The following ZNF540 variants were observed in gnomAD, a reference collection of about 807,000 sequenced individuals.
The protein encoded by ZNF540 is zinc finger protein 540, also known as CTD-3064H18.6.
Under a neutral mutation model 11.8 loss-of-function variants are expected in ZNF540, and 3 were observed. The ratio of observed to expected loss-of-function variants is 0.25; its 90% CI spans 0.12 to 0.65. ZNF540 has a LOEUF of 0.65. Among genes scored for constraint, ZNF540 ranks in the 30% least tolerant of loss-of-function variants. The pLI is 0.83. For missense variants in ZNF540, 709 were observed against 793.1 expected, an observed-to-expected ratio of 0.89 and a Z score of 1.27; for synonymous variants, 247 against 259.0, an observed-to-expected ratio of 0.95 and a Z score of 0.45.
chr19:37,561,326 T>A (rs772984435), intron 1 of ZNF540, among the ~76,000 whole-genome samples: 1 of 152,156 alleles, frequency 6.6e-6, no homozygotes, highest in African/African-American at 2.4e-5. Context: ...TGTTCCTCTC[T>A]AGTGTAGTCC....
upstream of ZNF540, chr19:37,594,291 G>A (rs1440154387): frequency 1.3e-5 from 2 of 152,262 alleles, no homozygotes; most frequent in East Asian, 1.9e-4. Flanking sequence ...GTCACACGAG[G>A]AGTACTGCGG....
chr19:37,603,100 C>T (rs1408116678), intron 4 of ZNF540, among the ~76,000 whole-genome samples: 7 of 151,418 alleles, frequency 4.6e-5, no homozygotes, highest in South Asian at 2.1e-4. Context: ...CTCCACCTCC[C>T]GGGTTCAAGC....
chr19:37,604,370 C>T (rs1252993706), intron 4 of ZNF540, among the ~76,000 whole-genome samples: 1 of 128,672 alleles, frequency 7.8e-6, no homozygotes, highest in African/African-American at 3.0e-5. Flanking sequence ...TGCAGTGGTG[C>T]GATCTCGGCT....
chr19:37,582,264 A>G (rs2043497294), intron 1 of ZNF540, among the ~76,000 whole-genome samples: 1 of 152,086 alleles, frequency 6.6e-6, no homozygotes, highest in African/African-American at 2.4e-5. Flanking sequence ...AGGGTCACCA[A>G]CACCCTTCAT....
chr19:37,600,061 C>G (rs775957321), intron 3 of ZNF540, among the ~76,000 whole-genome samples: 27 of 152,194 alleles, frequency 1.8e-4, no homozygotes, highest in Non-Finnish European at 3.4e-4. Flanking sequence ...TCAGGTTTCA[C>G]ATTGCATTTG....
At position 37,612,296 on chromosome 19, in the gene ZNF540, G is replaced by A. The variant is rs202039902; in HGVS notation, c.1016G>A (p.Cys339Tyr). Residue 339 changes from cysteine (C) to tyrosine (Y), a missense_variant, in exon 5 of 5, where the codon TGC becomes TAC. Coordinates refer to ENST00000316433, the MANE Select transcript of ZNF540 (RefSeq NM_001172225.3). Reference protein sequence around the residue: ...CKECGKAFSVCGQLTRHQKIH... With the variant: ...CKECGKAFSVYGQLTRHQKIH... ...GAGTGTGGGAAAGCTTTTAGTGTAT[G>A]CGGACAACTTACCCGTCATCAGAAA... 9.4e-5 allele frequency: 152 copies of A among 1,613,822 alleles called. No individual in the cohort carries two copies. Among genetic ancestry groups the A allele is most frequent in the Non-Finnish European group, 7.5e-5 (88 of 1,179,998 alleles).
intron 1 of ZNF540, among the ~76,000 whole-genome samples, chr19:37,581,257 A>C (rs1475558648): frequency 1.3e-5 from 2 of 152,202 alleles, no homozygotes; most frequent in East Asian, 3.9e-4. Context: ...CAAATCCATA[A>C]TAGATTAGTC....
chr19:37,598,834 T>G (rs531532165), intron 2 of ZNF540, among the ~76,000 whole-genome samples: 28 of 152,276 alleles, frequency 1.8e-4, no homozygotes, highest in South Asian at 1.0e-3. Flanking sequence ...TTGATTGGCC[T>G]CAGTTTCAGT....
At chr19:37,564,901 C>T (rs959101803) in intron 1 of ZNF540, 1 of 1,614,006 alleles carries the variant, frequency 6.2e-7, no homozygotes, top group East Asian at 2.2e-5. Flanking sequence ...AAATAAAGGC[C>T]TTGTCACATT....
intron 4 of ZNF540, among the ~76,000 whole-genome samples, chr19:37,601,692 G>C (rs902697595): frequency 2.0e-5 from 3 of 152,224 alleles, no homozygotes; most frequent in African/African-American, 7.2e-5. Context: ...CCCAGGGAAG[G>C]CTCTTCGAAG....
At chr19:37,556,654 C>A (rs2042663054) in intron 1 of ZNF540, among the ~76,000 whole-genome samples, 1 of 152,152 alleles carries the variant, frequency 6.6e-6, no homozygotes, top group African/African-American at 2.4e-5. Flanking sequence ...ATATCTTGTA[C>A]CTGTTGGGGA....
chr19:37,571,284 C>T (rs1371285631), intron 1 of ZNF540, among the ~76,000 whole-genome samples: 1 of 152,020 alleles, frequency 6.6e-6, no homozygotes, highest in Non-Finnish European at 1.5e-5. Context: ...CACCTCAGGT[C>T]GGGAGTTTGA....
At chr19:37,563,553 AATATATACATATATGGT>A (rs1201873870) in intron 1 of ZNF540, 1 of 152,130 alleles carries the variant, frequency 6.6e-6, no homozygotes, top group Non-Finnish European at 1.5e-5. Flanking sequence ...ACATATGTGG[AATATATACATATATGGT>A]ATATGGAATA....
In ZNF540 at chr19:37,611,809, C is replaced by G. The variant is rs552411467; in HGVS notation, c.529C>G (p.Gln177Glu). 21 of 1,613,898 alleles carry G rather than the reference C, an allele frequency of 1.3e-5. No homozygotes were observed. Among genetic ancestry groups the G allele is most frequent in the Middle Eastern group, 1.7e-4 (1 of 6,040 alleles). ...GAAAAGCTGTGACTCACACTTGGTTCAACATGGGAAAATAGATTCTGATGT... is the reference window on the plus strand; with the variant it reads ...GAAAAGCTGTGACTCACACTTGGTTGAACATGGGAAAATAGATTCTGATGT... ...SEKSCDSHLV[Q>E]HGKIDSDVKH... is the part of the protein sequence containing the mutation. The change falls in exon 5 of 5, where the codon CAA (glutamine) becomes GAA (glutamate). Residue 177 changes from glutamine (Q) to glutamate (E), a missense_variant. Coordinates refer to ENST00000316433, the MANE Select transcript of ZNF540 (RefSeq NM_001172225.3).
At chr19:37,596,947 C>T (rs534396124) in intron 1 of ZNF540, among the ~76,000 whole-genome samples, 4 of 152,104 alleles carry the variant, frequency 2.6e-5, no homozygotes, top group South Asian at 2.1e-4. Context: ...TTTTATTAGG[C>T]GTAATAAGAA....
At chr19:37,598,575 C>A in intron 2 of ZNF540, 119 bp downstream of exon 2, 2 of 1,084,808 alleles carry the variant, frequency 1.8e-6, no homozygotes, top group Non-Finnish European at 2.8e-6. Flanking sequence ...CATTTCCAAG[C>A]TCCTCCCATG....
chr19:37,587,274 C>G (rs2043707229), intron 1 of ZNF540: 3 of 152,280 alleles, frequency 2.0e-5, no homozygotes, highest in African/African-American at 7.2e-5. Context: ...GATCTTATGG[C>G]TGGAGTATTC....
rs563551242 is a variant in ZNF540 at position 37,599,142 on chromosome 19, A to AG, written c.10-483dup. On this transcript the variant is annotated intron_variant, in intron 2 of 4. Coordinates refer to ENST00000316433, the MANE Select transcript of ZNF540 (RefSeq NM_001172225.3). The stretch of plus-strand genomic sequence containing the variant: ...CACTGTACTCCAGCGTGGGCAACAG[A>AG]GTGAGATCTCCGTCTCGATTGATCA... Among the ~76,000 whole-genome samples the AG allele has an allele frequency of 3.6e-3, 555 of 152,220 alleles. 1 individual carries two copies. Among genetic ancestry groups the AG allele is most frequent in the African/African-American group, 0.013 (534 of 41,558 alleles).
At chr19:37,584,230 A>G in intron 1 of ZNF540, 1 of 1,159,232 alleles carries the variant, frequency 8.6e-7, no homozygotes, top group South Asian at 1.5e-5. Flanking sequence ...AAACAGTAGT[A>G]TTAACCTGAT....
Sources: allele counts gnomAD v4.1 joint callset (sites outside exome capture counted in the v4.1 genomes callset), GRCh38; gene constraint gnomAD v4.1.1; transcripts MANE v1.5; gene names NCBI Gene and HGNC (gene_info 2026-07-23, HGNC 2026-07-21).